ZNF219: variants seen among roughly 807,000 people sequenced by gnomAD.
ZNF219 encodes the protein zinc finger protein 219.
Under a neutral mutation model 54.4 loss-of-function variants are expected in ZNF219, and 17 were observed. The ratio of observed to expected loss-of-function variants is 0.31; its 90% CI spans 0.21 to 0.47. The LOEUF (loss-of-function observed/expected upper bound fraction) is 0.47, where lower values mean the gene tolerates loss of function less well. Among genes scored for constraint, ZNF219 ranks in the 20% least tolerant of loss-of-function variants. The probability of loss-of-function intolerance (pLI) is 1.00; values close to 1 mark genes in which losing one functional copy is unlikely to be tolerated. For missense variants in ZNF219, 1,014 were observed against 1,062.3 expected (o/e 0.95, Z 0.63); for synonymous variants, 518 against 476.4 (o/e 1.09, Z -1.14).
chr14:21,103,484 T>C (rs981438857), upstream of ZNF219: 1 of 618,952 alleles, frequency 1.6e-6, no homozygotes, highest in Non-Finnish European at 2.7e-6. Flanking sequence ...CCTCTCTTCC[T>C]GTCACCTCCC....
Position 21,094,621 on chromosome 14 carries a change from C to G in ZNF219, c.-83-947G>C, listed in dbSNP as rs1275199445. On this transcript the variant is annotated intron_variant, in intron 1 of 4. Transcript: ENST00000360947. ...ATAGGGACTCAGCACATGCTCTGAG[C>G]AGGAAAGGGTTAAAATTCTCCAGGC... is the stretch of plus-strand genomic sequence containing the variant. 2 of 263,796 alleles carry G rather than the reference C, an allele frequency of 7.6e-6. 1 individual carries two copies. The highest frequency in any genetic ancestry group is 3.0e-3 in the Middle Eastern group (2 of 672). 16.3% of individuals were successfully genotyped at this position (263,796 alleles called of 1,614,324 possible). A position where few individuals can be genotyped will look rare whatever the true frequency, so the allele number is the denominator to read the frequency against.
upstream of ZNF219, chr14:21,101,086 G>A (rs2139344511): frequency 2.9e-6 from 1 of 344,492 alleles, no homozygotes; most frequent in East Asian, 6.2e-5. Context: ...GCCTTCCTCT[G>A]CCAGGACAAG....
chr14:21,096,161 AAGCTGGCCTCATATCTGAGGC>A (rs1459651259), intron 1 of ZNF219, among the ~76,000 whole-genome samples: 1 of 152,192 alleles, frequency 6.6e-6, no homozygotes, highest in Non-Finnish European at 1.5e-5. Flanking sequence ...ATCTCTTAGG[AAGCTGGCCTCATATCTGAGGC>A]AAGAAGAGTC....
Position 21,091,158 on chromosome 14 carries a change from G to C in ZNF219, c.1565-18C>G, listed in dbSNP as rs553071051. On this transcript the variant is annotated intron_variant, in intron 4 of 4. Coordinates refer to ENST00000360947, the MANE Select transcript of ZNF219 (RefSeq NM_016423.3). ...CCGCTCGCCTGGGGAGAGTGGGTGC[G>C]ATAGGGTCACGGGGTCACGATGACT... is the stretch of plus-strand genomic sequence containing the variant. 7 of 1,593,504 alleles carry C rather than the reference G, an allele frequency of 4.4e-6. No homozygotes were observed. The East Asian group carries it at 1.3e-4, about 31-fold the overall frequency.
At position 21,092,498 on chromosome 14, in the gene ZNF219, C is replaced by G. The variant is rs1888992974; in HGVS notation, c.799G>C (p.Glu267Gln). The G allele has an allele frequency of 4.5e-6, 7 of 1,551,822 alleles. No homozygotes were observed. Among genetic ancestry groups the G allele is most frequent in the Non-Finnish European group, 6.1e-6 (7 of 1,147,622 alleles). ...CGGAACTCCGGAGGCGCTGGGGGCT[C>G]CTCGGGAGCGGCAGGAGCTGGGGTC... ...TPTPAPAAPE[E>Q]PPAPPEFRCQ... is the part of the protein sequence containing the mutation. Residue 267 changes from glutamate to glutamine, a missense_variant, in exon 3 of 5, where the codon GAG becomes CAG. By Grantham distance (29) the Glu-to-Gln change is conservative. Transcript: ENST00000360947.
rs577616670 is a variant in ZNF219, at chr14:21,090,965, C to G, written c.1740G>C (p.Pro580=). The change falls in exon 5 of 5, where the codon CCG becomes CCC. Residue 580 remains proline, a synonymous_variant. Coordinates refer to ENST00000360947, the MANE Select transcript of ZNF219 (RefSeq NM_016423.3). This position sits in a 1 kb window ranked among gnomAD's most constrained non-coding sequence, Gnocchi z 4.4. ...CCACCCAGGTCGCAGGCTGCGGAGA[C>G]GGCTTGGCTCCAGATTGCGGGGCCG... The part of the protein sequence containing the change: ...RGSAPQSGAK[P]SPQPATWVEG... 2,067 of 1,551,484 alleles carry G rather than the reference C, an allele frequency of 1.3e-3. 51 individuals carry two copies. The South Asian group carries it at 0.022, about 17-fold the overall frequency.
chr14:21,097,808 C>A (rs1003609313), intron 1 of ZNF219, among the ~76,000 whole-genome samples: 1 of 152,000 alleles, frequency 6.6e-6, no homozygotes, highest in Non-Finnish European at 1.5e-5. Context: ...GAGGGAAGCA[C>A]CCCCCATCCT....
upstream of ZNF219, chr14:21,101,878 G>A (rs1465989576): frequency 9.7e-6 from 15 of 1,551,362 alleles, no homozygotes; most frequent in Non-Finnish European, 1.3e-5. Flanking sequence ...AGCCAGCTAT[G>A]GCTGGCAGTG....
chr14:21,101,508 TTCCATCCA>T, upstream of ZNF219: 3 of 1,456,280 alleles, frequency 2.1e-6, no homozygotes, highest in African/African-American at 1.4e-5. Context: ...CCCAATTCAA[TTCCATCCA>T]TCCATCCATC....
upstream of ZNF219, chr14:21,101,416 A>T (rs1044817480): frequency 1.0e-5 from 16 of 1,551,492 alleles, no homozygotes; most frequent in Non-Finnish European, 1.3e-5. Context: ...ACACTGGGCA[A>T]GGCACAGGCA....
At chr14:21,099,571 C>G (rs1236577092), upstream of ZNF219, among the ~76,000 whole-genome samples, 2 of 152,208 alleles carry the variant, frequency 1.3e-5, no homozygotes, top group Non-Finnish European at 2.9e-5. Flanking sequence ...AGATCACTTG[C>G]CTCCCAGGAC....
At chr14:21,098,128 C>A (rs1027404964) in intron 1 of ZNF219, among the ~76,000 whole-genome samples, 184 bp downstream of exon 1, 2 of 150,232 alleles carry the variant, frequency 1.3e-5, no homozygotes, top group Admixed American at 6.6e-5. Flanking sequence ...ACCCCGCCCC[C>A]CCAGGAGCTC....
intron 1 of ZNF219, among the ~76,000 whole-genome samples, chr14:21,094,736 G>A (rs1225844366): frequency 1.3e-5 from 1 of 79,636 alleles, no homozygotes; most frequent in East Asian, 3.9e-4. Context: ...TGGGGGGGGG[G>A]GCGGGTGCTG....
chr14:21,098,930 G>A, upstream of ZNF219: 3 of 1,097,728 alleles, frequency 2.7e-6, no homozygotes, highest in African/African-American at 1.6e-5. Flanking sequence ...TTTGGGGGAG[G>A]AGGAGGGGCG....
intron 1 of ZNF219, chr14:21,094,533 A>T: frequency 2.6e-6 from 1 of 392,054 alleles, no homozygotes; most frequent in African/African-American, 2.1e-5. Flanking sequence ...GGAGGATTAC[A>T]CTGGCTCTGA....
Position 21,092,038 on chromosome 14 carries a change from C to A in ZNF219, c.1259G>T (p.Arg420Leu). Residue 420 changes from arginine to leucine, a missense_variant, in exon 3 of 5, where the codon CGG becomes CTG. By Grantham distance (102) the Arg-to-Leu change is moderately radical. Around this residue, in one of 5 missense-constraint regions of ZNF219, gnomAD observed 272 missense variants for 248.9 expected, o/e 1.09. Transcript: ENST00000360947. Reference sequence around the variant, plus strand: ...TTCCTCAGGCTCCTCCGCACGGTGCCGGCGAGCCCGGGCCGGGAGAGCAGA... The same window carrying A: ...TTCCTCAGGCTCCTCCGCACGGTGCAGGCGAGCCCGGGCCGGGAGAGCAGA... ...LSSALPARAR[R>L]HRAEEPEEEE... 1 of 1,547,578 alleles carries A rather than the reference C, an allele frequency of 6.5e-7. No homozygotes were observed. The highest frequency in any genetic ancestry group is 8.7e-7 in the Non-Finnish European group (1 of 1,146,124).
chr14:21,091,398 C>A lies in ZNF219; in HGVS notation c.1564+13G>T, dbSNP rs200418923. On this transcript the variant is annotated intron_variant, in intron 4 of 4. Coordinates refer to ENST00000360947, the MANE Select transcript of ZNF219 (RefSeq NM_016423.3). ...CCCAGTCCCCTCTCCACGCCGGAGG[C>A]TGCCTCCCTCACCTGTGTGCACTCG... 102 of 1,586,424 alleles carry A rather than the reference C, an allele frequency of 6.4e-5. 1 individual carries two copies. The East Asian group carries it at 2.3e-3, about 35-fold the overall frequency.
upstream of ZNF219, chr14:21,102,437 CT>C (rs1566558131): frequency 6.4e-7 from 1 of 1,551,714 alleles, no homozygotes; most frequent in Admixed American, 2.0e-5. Flanking sequence ...ACACCTTCAA[CT>C]TGATCTTGGG....
chr14:21,096,303 T>C (rs986163279), intron 1 of ZNF219, among the ~76,000 whole-genome samples: 1 of 152,320 alleles, frequency 6.6e-6, no homozygotes, highest in East Asian at 1.9e-4. Flanking sequence ...AAACTGAAGC[T>C]GAATTCCCCA....
Sources: gnomAD v4.1 joint callset for allele counts (sites outside exome capture counted in the v4.1 genomes callset) on GRCh38, gnomAD v4.1.1 for gene constraint, gnomAD v4.1.1 regional missense constraint, Gnocchi (gnomAD v3.1) non-coding constraint, MANE v1.5 for transcripts, NCBI Gene and HGNC (gene_info 2026-07-23, HGNC 2026-07-21) for gene names.